ZNF503: variants seen among roughly 807,000 people sequenced by gnomAD.
The protein encoded by ZNF503 is NocA-like zinc finger 2.
Under a neutral mutation model 34.4 loss-of-function variants are expected in ZNF503, and 15 were observed. The observed-to-expected ratio is 0.44, with a 90% CI of 0.29 to 0.67. The LOEUF is 0.67. Among genes scored for constraint, ZNF503 ranks in the 30% least tolerant of loss-of-function variants. The pLI is 0.13. For synonymous variants in ZNF503, 580 were observed against 456.8 expected, an observed-to-expected ratio of 1.27 and a Z score of -3.44; for missense variants, 1,007 against 926.8, an observed-to-expected ratio of 1.09 and a Z score of -1.12.
At chr10:75,348,802 G>A in the ZNF503 span, among the ~76,000 whole-genome samples, 2 of 152,048 alleles carry the variant, frequency 1.3e-5, no homozygotes, top group African/African-American at 4.8e-5. Flanking sequence ...GTGAGCCACC[G>A]CACCCGGCCG....
the ZNF503 span, among the ~76,000 whole-genome samples, chr10:75,299,948 C>T: frequency 6.6e-6 from 1 of 152,158 alleles, no homozygotes; most frequent in Non-Finnish European, 1.5e-5. Flanking sequence ...GTTTTGGGCA[C>T]CATTGTCATT....
At chr10:75,346,775 C>T in the ZNF503 span, among the ~76,000 whole-genome samples, 21 of 151,442 alleles carry the variant, frequency 1.4e-4, no homozygotes, top group Non-Finnish European at 2.6e-4. Context: ...AGCCTACAGG[C>T]GTGCACCACC....
chr10:75,355,125 A>G, the ZNF503 span, among the ~76,000 whole-genome samples: 1 of 152,170 alleles, frequency 6.6e-6, no homozygotes, highest in Non-Finnish European at 1.5e-5. Flanking sequence ...GATTACAGGC[A>G]TGAGCCACGG....
chr10:75,303,342 C>T, the ZNF503 span, among the ~76,000 whole-genome samples: 1 of 152,162 alleles, frequency 6.6e-6, no homozygotes, highest in Non-Finnish European at 1.5e-5. Context: ...GGTTTCTGCC[C>T]CAGTCTAACT....
rs541005429 is a variant in ZNF503 at position 75,400,394 on chromosome 10, G to A, written c.316-20C>T. The A allele has an allele frequency of 1.8e-5, 28 of 1,590,514 alleles. No individual in the cohort carries two copies. The highest frequency in any genetic ancestry group is 9.0e-5 in the South Asian group (8 of 89,072). ...ATCGAGCTGCGGGGTCAGACGATGG[G>A]GGGGGAGCGTCACACAGAGAAAGAA... On this transcript the variant is annotated intron_variant, in intron 1 of 1. Coordinates refer to ENST00000372524, the MANE Select transcript of ZNF503 (RefSeq NM_032772.6).
chr10:75,381,099 A>C, the ZNF503 span, among the ~76,000 whole-genome samples: 1 of 152,246 alleles, frequency 6.6e-6, no homozygotes, highest in Non-Finnish European at 1.5e-5. Context: ...AACAAAATAA[A>C]GACTACATTA....
chr10:75,291,717 C>G, the ZNF503 span, among the ~76,000 whole-genome samples: 1 of 152,206 alleles, frequency 6.6e-6, no homozygotes, highest in Non-Finnish European at 1.5e-5. Context: ...CTGCTGTGGT[C>G]TCTCCCATTG....
chr10:75,321,894 A>T, the ZNF503 span, among the ~76,000 whole-genome samples: 13 of 152,346 alleles, frequency 8.5e-5, no homozygotes, highest in South Asian at 2.7e-3. Flanking sequence ...TTCAGAGAGG[A>T]ATTTAAGGAG....
chr10:75,289,331 G>A, the ZNF503 span, among the ~76,000 whole-genome samples: 1 of 152,142 alleles, frequency 6.6e-6, no homozygotes, highest in Admixed American at 6.5e-5. Context: ...ACAGGCCTCT[G>A]GGCATGTCCT....
At chr10:75,369,210 T>C in the ZNF503 span, among the ~76,000 whole-genome samples, 1 of 152,296 alleles carries the variant, frequency 6.6e-6, no homozygotes, top group Non-Finnish European at 1.5e-5. Context: ...AATTGGTAAG[T>C]GTTTAACTTT....
chr10:75,363,448 C>G, the ZNF503 span, among the ~76,000 whole-genome samples: 1 of 152,154 alleles, frequency 6.6e-6, no homozygotes, highest in African/African-American at 2.4e-5. Context: ...AGGAAGTGAC[C>G]AGTTACTTAA....
the ZNF503 span, chr10:75,283,302 C>G: frequency 6.6e-6 from 1 of 152,338 alleles, no homozygotes; most frequent in African/African-American, 2.4e-5. Flanking sequence ...ATGGGCGGCT[C>G]TGTCCTGCCT....
the ZNF503 span, among the ~76,000 whole-genome samples, chr10:75,301,596 G>T: frequency 6.6e-6 from 1 of 151,112 alleles, no homozygotes; most frequent in Non-Finnish European, 1.5e-5. Context: ...TTTACTGCCT[G>T]ATTTTTTGTT....
chr10:75,383,178 CAT>C, the ZNF503 span, among the ~76,000 whole-genome samples: 2 of 152,330 alleles, frequency 1.3e-5, no homozygotes, highest in African/African-American at 4.8e-5. Flanking sequence ...GGCTTTTACA[CAT>C]GAGTCCTCAT....
At chr10:75,381,840 C>T in the ZNF503 span, among the ~76,000 whole-genome samples, 448 of 25,124 alleles carry the variant, frequency 0.018, 2 homozygotes, top group South Asian at 0.037. Context: ...TTTTTTGAGA[C>T]GGTCTCACTT....
chr10:75,360,581 G>A, the ZNF503 span: 1 of 152,392 alleles, frequency 6.6e-6, no homozygotes, highest in Non-Finnish European at 1.5e-5. Flanking sequence ...CCAGCCTGAA[G>A]AATTCAGAGT....
the ZNF503 span, among the ~76,000 whole-genome samples, chr10:75,337,491 G>A: frequency 6.6e-6 from 1 of 151,168 alleles, no homozygotes; most frequent in African/African-American, 2.4e-5. Flanking sequence ...GGTGGCAGGC[G>A]CCTGTAATCC....
the ZNF503 span, among the ~76,000 whole-genome samples, chr10:75,329,415 T>TTCCTTCCTTCCTTTCC: frequency 3.3e-5 from 3 of 90,460 alleles, no homozygotes; most frequent in African/African-American, 1.3e-4. Context: ...CCTTCCTTCC[T>TTCCTTCCTTCCTTTCC]TTCCTTCCTT....
At chr10:75,282,633 CATT>C in the ZNF503 span, among the ~76,000 whole-genome samples, 1 of 152,180 alleles carries the variant, frequency 6.6e-6, no homozygotes, top group African/African-American at 2.4e-5. Context: ...AGGAAGCTTC[CATT>C]TTCGGGGATT....
Sources: gnomAD v4.1 joint callset for allele counts (sites outside exome capture counted in the v4.1 genomes callset) on GRCh38, gnomAD v4.1.1 for gene constraint, MANE v1.5 for transcripts, NCBI Gene and HGNC (gene_info 2026-07-23, HGNC 2026-07-21) for gene names.